LMO3: variants seen among roughly 807,000 people sequenced by gnomAD.
LMO3 encodes LIM domain only protein 3.
In LMO3, 2 loss-of-function variants were observed where a neutral mutation model predicts 15.8. The ratio of observed to expected loss-of-function variants is 0.13; its 90% CI spans 0.05 to 0.40. The LOEUF (loss-of-function observed/expected upper bound fraction) is 0.40. Among genes scored for constraint, LMO3 ranks in the 10% least tolerant of loss-of-function variants. The pLI is 0.99. For synonymous variants in LMO3, 62 were observed against 63.8 expected, an observed-to-expected ratio of 0.97 and a Z score of 0.13; for missense variants, 86 against 182.2, an observed-to-expected ratio of 0.47 and a Z score of 3.04.
rs562081904 is a variant in LMO3, at chr12:16,602,629, G to A, written c.-8-1761C>T. Among the ~76,000 whole-genome samples the A allele has an allele frequency of 1.4e-4, 21 of 152,366 alleles. No homozygotes were observed. In the South Asian group the frequency reaches 3.5e-3, roughly 26 times the overall value. The stretch of plus-strand genomic sequence containing the variant: ...CTTTCTGTTCCTTTCCTTTGAAGGA[G>A]CTAAGGGCCTAGTGTAGATTAATCA... On this transcript the variant is annotated intron_variant, in intron 1 of 3. Coordinates refer to ENST00000537304, the MANE Select transcript of LMO3 (RefSeq NM_018640.5).
Position 16,559,743 on chromosome 12 carries a change from G to C in LMO3, c.332+670C>G, listed in dbSNP as rs1334309192. 1.3e-5 allele frequency among the ~76,000 whole-genome samples: 2 copies of C among 151,488 alleles called. No homozygotes were observed. The highest frequency in any genetic ancestry group is 4.9e-5 in the African/African-American group (2 of 41,174). On this transcript the variant is annotated intron_variant, in intron 3 of 3. Coordinates refer to ENST00000537304, the MANE Select transcript of LMO3 (RefSeq NM_018640.5). The surrounding 1 kb of genome is among the most constrained non-coding windows in gnomAD (Gnocchi z 4.1). Reference sequence around the variant, plus strand: ...AGGTGGGAGGATTGCTTGAGGCCAGGAGTTTGAGACCAGCCTGGGTAACAT... The same window carrying C: ...AGGTGGGAGGATTGCTTGAGGCCAGCAGTTTGAGACCAGCCTGGGTAACAT...
chr12:16,600,516 C>G, intron 2 of LMO3, 139 bp downstream of exon 2: 1 of 683,198 alleles, frequency 1.5e-6, no homozygotes. Flanking sequence ...CACAGGGCAA[C>G]GCTTTGAAGG....
At chr12:16,563,713 T>G (rs1030820197) in intron 2 of LMO3, among the ~76,000 whole-genome samples, 2 of 152,172 alleles carry the variant, frequency 1.3e-5, no homozygotes, top group African/African-American at 4.8e-5. Context: ...ATCCTCTAGA[T>G]AAGAGGGCCT....
intron 3 of LMO3, among the ~76,000 whole-genome samples, chr12:16,553,687 G>C (rs899382654): frequency 1.3e-5 from 2 of 152,032 alleles, no homozygotes; most frequent in Non-Finnish European, 2.9e-5. Flanking sequence ...ATTACGACTG[G>C]TATGCAATTA....
chr12:16,570,985 T>C (rs528559342), intron 2 of LMO3, among the ~76,000 whole-genome samples: 3 of 152,306 alleles, frequency 2.0e-5, no homozygotes, highest in African/African-American at 7.2e-5. Context: ...TATACATATG[T>C]AACTAACCTG....
In LMO3 at chr12:16,587,663, G is replaced by C. The variant is rs538081171; in HGVS notation, c.206+12992C>G. 6.6e-6 allele frequency among the ~76,000 whole-genome samples: 1 copy of C among 151,936 alleles called. No individual in the cohort carries two copies. The highest frequency in any genetic ancestry group is 2.4e-5 in the African/African-American group (1 of 41,476). On this transcript the variant is annotated intron_variant, in intron 2 of 3. Transcript: ENST00000537304. The surrounding 1 kb of genome is among the most constrained non-coding windows in gnomAD (Gnocchi z 4.3). Reference sequence around the variant, plus strand: ...ATAATAGCAAGCACTGGTCTGTCAGGAGTGCATTTTAACAGCACGACACAA... The same window carrying C: ...ATAATAGCAAGCACTGGTCTGTCAGCAGTGCATTTTAACAGCACGACACAA...
chr12:16,604,984 G>A lies in LMO3; in HGVS notation c.-9+1082C>T. 6.3e-7 allele frequency: 1 copy of A among 1,596,838 alleles called. No homozygotes were observed. Among genetic ancestry groups the A allele is most frequent in the Non-Finnish European group, 8.5e-7 (1 of 1,178,928 alleles). ...AGGGGGTCTCCTTGATTTCGCTTAAGTGTGGACCTGGTGCGCAGCCTACAC... is the reference window on the plus strand; with the variant it reads ...AGGGGGTCTCCTTGATTTCGCTTAAATGTGGACCTGGTGCGCAGCCTACAC... On this transcript the variant is annotated intron_variant, in intron 1 of 3. Transcript: ENST00000537304. The surrounding 1 kb of genome is among the most constrained non-coding windows in gnomAD (Gnocchi z 5.3).
intron 2 of LMO3, among the ~76,000 whole-genome samples, chr12:16,577,172 T>C (rs1286072387): frequency 6.6e-6 from 1 of 152,162 alleles, no homozygotes; most frequent in East Asian, 1.9e-4. Context: ...CATTACCCCA[T>C]TACTCTAAAG....
rs1435178619 is a variant in LMO3, at chr12:16,585,316, A to G, written c.206+15339T>C. Among the ~76,000 whole-genome samples the G allele has an allele frequency of 1.3e-5, 2 of 152,198 alleles. No homozygotes were observed. The highest frequency in any genetic ancestry group is 2.9e-5 in the Non-Finnish European group (2 of 68,042). ...GTTATTGATTACTGCTTCAAGAAAA[A>G]GGATTTGCATATTTGTGTATATATT... On this transcript the variant is annotated intron_variant, in intron 2 of 3. Transcript: ENST00000537304. The surrounding 1 kb of genome is among the most constrained non-coding windows in gnomAD (Gnocchi z 4.7).
chr12:16,584,825 T>C lies in LMO3; in HGVS notation c.206+15830A>G, dbSNP rs1943267443. Among the ~76,000 whole-genome samples the C allele has an allele frequency of 6.6e-6, 1 of 152,148 alleles. No homozygotes were observed. Among genetic ancestry groups the C allele is most frequent in the Admixed American group, 6.6e-5 (1 of 15,264 alleles). Reference sequence around the variant, plus strand: ...GAGATTTCTGAAGCAGGAGTGTAACTGGTATACATTGGATGAAGGGCTCTG... The same window carrying C: ...GAGATTTCTGAAGCAGGAGTGTAACCGGTATACATTGGATGAAGGGCTCTG... On this transcript the variant is annotated intron_variant, in intron 2 of 3. Transcript: ENST00000537304. The surrounding 1 kb of genome is among the most constrained non-coding windows in gnomAD (Gnocchi z 5.2).
upstream of LMO3, chr12:16,606,426 C>T (rs906118868): frequency 7.9e-5 from 12 of 152,298 alleles, no homozygotes; most frequent in Admixed American, 7.2e-4. Context: ...ATAATACAGC[C>T]AAAGAAAAGG....
At position 16,585,458 on chromosome 12, in the gene LMO3, T is replaced by C. The variant is rs1177580738; in HGVS notation, c.206+15197A>G. Among the ~76,000 whole-genome samples, 2 of 152,226 alleles carry C rather than the reference T, an allele frequency of 1.3e-5. No homozygotes were observed. Among genetic ancestry groups the C allele is most frequent in the Non-Finnish European group, 2.9e-5 (2 of 68,044 alleles). On this transcript the variant is annotated intron_variant, in intron 2 of 3. Coordinates refer to ENST00000537304, the MANE Select transcript of LMO3 (RefSeq NM_018640.5). This position sits in a 1 kb window ranked among gnomAD's most constrained non-coding sequence, Gnocchi z 4.7. ...CATCCTACACAGTGAGCATAAATGT[T>C]GTTTCAAATATTGTTCCCAAATATT...
Position 16,604,072 on chromosome 12 carries a change from T to G in LMO3, c.-9+1994A>C, listed in dbSNP as rs1473678640. Among the ~76,000 whole-genome samples, 2 of 152,120 alleles carry G rather than the reference T, an allele frequency of 1.3e-5. No individual in the cohort carries two copies. Among genetic ancestry groups the G allele is most frequent in the African/African-American group, 4.8e-5 (2 of 41,420 alleles). ...TGCAGCTGGGAGCATTGACACAGAT[T>G]AAAAGAATTTGGCCAACATGGCCAT... is the stretch of plus-strand genomic sequence containing the variant. On this transcript the variant is annotated intron_variant, in intron 1 of 3. Coordinates refer to ENST00000537304, the MANE Select transcript of LMO3 (RefSeq NM_018640.5). This position sits in a 1 kb window ranked among gnomAD's most constrained non-coding sequence, Gnocchi z 5.3.
In LMO3 at chr12:16,579,316, A is replaced by G. The variant is rs575700178; in HGVS notation, c.207-18778T>C. On this transcript the variant is annotated intron_variant, in intron 2 of 3. Transcript: ENST00000537304. ...TCAGATAATTATTACCAGAAAAACA[A>G]TAGCTGTGTTTCACAAGGAGGTCTT... Among the ~76,000 whole-genome samples the G allele has an allele frequency of 6.8e-4, 104 of 152,360 alleles. 1 individual carries two copies. The highest frequency in any genetic ancestry group is 2.4e-3 in the African/African-American group (100 of 41,588).
intron 1 of LMO3, among the ~76,000 whole-genome samples, chr12:16,602,470 T>C (rs896373804): frequency 1.3e-5 from 2 of 152,170 alleles, no homozygotes; most frequent in East Asian, 1.9e-4. Flanking sequence ...TCTGGTAGAG[T>C]TGTGTAGGGA....
chr12:16,581,380 G>C (rs943251444), intron 2 of LMO3, among the ~76,000 whole-genome samples: 1 of 152,118 alleles, frequency 6.6e-6, no homozygotes, highest in African/African-American at 2.4e-5. Flanking sequence ...TAATAATACT[G>C]TAGTTCCCAA....
In LMO3 at chr12:16,587,398, C is replaced by T. The variant is rs745463209; in HGVS notation, c.206+13257G>A. ...CACTTAAACATTTCTGCAATAAAAT[C>T]TTATTGAACTGTTGCTTTCATTAAT... On this transcript the variant is annotated intron_variant, in intron 2 of 3. Coordinates refer to ENST00000537304, the MANE Select transcript of LMO3 (RefSeq NM_018640.5). The surrounding 1 kb of genome is among the most constrained non-coding windows in gnomAD (Gnocchi z 4.3). Among the ~76,000 whole-genome samples the T allele has an allele frequency of 6.6e-6, 1 of 152,138 alleles. No individual in the cohort carries two copies. The highest frequency in any genetic ancestry group is 1.5e-5 in the Non-Finnish European group (1 of 68,008).
chr12:16,552,862 C>A (rs1942042811), intron 3 of LMO3, among the ~76,000 whole-genome samples: 2 of 152,044 alleles, frequency 1.3e-5, no homozygotes, highest in Non-Finnish European at 2.9e-5. Flanking sequence ...GGTGTTTGTG[C>A]AAGCCAGTTT....
At position 16,599,033 on chromosome 12, in the gene LMO3, A is replaced by T. The variant is rs1388218192; in HGVS notation, c.206+1622T>A. The T allele has an allele frequency of 5.7e-6, 1 of 174,168 alleles. No homozygotes were observed. Among genetic ancestry groups the T allele is most frequent in the Non-Finnish European group, 1.3e-5 (1 of 78,402 alleles). The allele number at this position is 174,168 out of a possible 1,614,324, so 10.8% of individuals were successfully genotyped here. On this transcript the variant is annotated intron_variant, in intron 2 of 3. Transcript: ENST00000537304. The surrounding 1 kb of genome is among the most constrained non-coding windows in gnomAD (Gnocchi z 4.1). ...AAGCTATGACTATTGGTTAGTACAG[A>T]TAAAGCAAAACTAAAAAGCAGTATT...
Sources: gnomAD v4.1 joint callset for allele counts (sites outside exome capture counted in the v4.1 genomes callset) on GRCh38, gnomAD v4.1.1 for gene constraint, Gnocchi (gnomAD v3.1) non-coding constraint, MANE v1.5 for transcripts, NCBI Gene and HGNC (gene_info 2026-07-23, HGNC 2026-07-21) for gene names.